The following SPTB variants were observed in gnomAD, a reference collection of about 807,000 sequenced individuals.
SPTB encodes spectrin beta chain, erythrocytic.
Under a neutral mutation model 256.2 loss-of-function variants are expected in SPTB, and 45 were observed. The observed-to-expected ratio is 0.18, with a 90% confidence interval of 0.14 to 0.23. The LOEUF is 0.23. Ranked by LOEUF, SPTB falls within the 10% of genes least tolerant of loss-of-function variation. The probability of loss-of-function intolerance (pLI) is 1.00; values close to 1 mark genes in which losing one functional copy is unlikely to be tolerated. For missense variants in SPTB, 2,715 were observed against 3,040.4 expected, an observed-to-expected ratio of 0.89 and a Z score of 2.52; for synonymous variants, 1,231 against 1,243.1, an observed-to-expected ratio of 0.99 and a Z score of 0.21.
intron 2 of SPTB, among the ~76,000 whole-genome samples, chr14:64,817,624 C>T (rs2083215621): frequency 6.6e-6 from 1 of 152,232 alleles, no homozygotes; most frequent in Non-Finnish European, 1.5e-5. Flanking sequence ...TGAGGCCCTG[C>T]TCCCTGAGAA....
intron 30 of SPTB, 111 bp downstream of exon 30, chr14:64,767,552 A>G: frequency 1.4e-6 from 2 of 1,476,376 alleles, no homozygotes; most frequent in East Asian, 2.3e-5. Flanking sequence ...CTGCTGGCCA[A>G]GCCTGTCACA....
chr14:64,820,784 C>T (rs1364578545), intron 2 of SPTB, among the ~76,000 whole-genome samples: 3 of 152,148 alleles, frequency 2.0e-5, no homozygotes, highest in Non-Finnish European at 2.9e-5. Flanking sequence ...AATTCTCGTG[C>T]CTCAGCTTCT....
chr14:64,821,039 C>T (rs2083277352), intron 2 of SPTB, among the ~76,000 whole-genome samples: 1 of 152,146 alleles, frequency 6.6e-6, no homozygotes, highest in Admixed American at 6.5e-5. Context: ...GACGTGGTGA[C>T]AACACACACA....
rs1220660057 is a variant in SPTB, at chr14:64,790,585, T to C, written c.2804+1134A>G. Among the ~76,000 whole-genome samples the C allele has an allele frequency of 1.3e-5, 2 of 152,222 alleles. No homozygotes were observed. The highest frequency in any genetic ancestry group is 4.8e-5 in the African/African-American group (2 of 41,470). Reference sequence around the variant, plus strand: ...TCCCATTCTAGTGGCTCTAAAGAATTCTGGTCATCGCTGCCTCCCCTTAGC... The same window carrying C: ...TCCCATTCTAGTGGCTCTAAAGAATCCTGGTCATCGCTGCCTCCCCTTAGC... On this transcript the variant is annotated intron_variant, in intron 15 of 35. Transcript: ENST00000644917. The surrounding 1 kb of genome is among the most constrained non-coding windows in gnomAD (Gnocchi z 4.8).
intron 27 of SPTB, 24 bp from the exon 28 acceptor site, chr14:64,769,752 A>C (rs1320125271): frequency 6.2e-7 from 1 of 1,613,992 alleles, no homozygotes; most frequent in Non-Finnish European, 8.5e-7. Context: ...GGACAAGGGA[A>C]GAAGGGAACT....
At position 64,796,532 on chromosome 14, in the gene SPTB, T is replaced by C; in HGVS notation, c.1341+25A>G. 1 of 1,614,080 alleles carries C rather than the reference T, an allele frequency of 6.2e-7. No homozygotes were observed. Among genetic ancestry groups the C allele is most frequent in the Non-Finnish European group, 8.5e-7 (1 of 1,180,020 alleles). ...GCTCTGAAGAATGTCCCCTCTCCTGTCACCCAAAGCATGTCCCTCATTACC... is the reference window on the plus strand; with the variant it reads ...GCTCTGAAGAATGTCCCCTCTCCTGCCACCCAAAGCATGTCCCTCATTACC... On this transcript the variant is annotated intron_variant, in intron 11 of 35. Coordinates refer to ENST00000644917, the MANE Select transcript of SPTB (RefSeq NM_001355436.2). This position sits in a 1 kb window ranked among gnomAD's most constrained non-coding sequence, Gnocchi z 4.1.
intron 33 of SPTB, among the ~76,000 whole-genome samples, chr14:64,751,771 A>T (rs1412351644): frequency 6.6e-6 from 1 of 152,002 alleles, no homozygotes; most frequent in Non-Finnish European, 1.5e-5. Flanking sequence ...AACTTTTTAA[A>T]GGAACAAATT....
At chr14:64,831,819 T>C (rs367919752) in intron 1 of SPTB, among the ~76,000 whole-genome samples, 5 of 152,286 alleles carry the variant, frequency 3.3e-5, no homozygotes, top group African/African-American at 9.6e-5. Flanking sequence ...TGGAGGATCA[T>C]AGAAACAGTG....
intron 6 of SPTB, 107 bp from the exon 7 acceptor site, chr14:64,801,507 C>G: frequency 1.1e-6 from 1 of 911,726 alleles, no homozygotes; most frequent in South Asian, 1.4e-5. Flanking sequence ...GGTGGTCAGG[C>G]AGGAGGAGTG....
At chr14:64,838,484 A>G (rs1340522861) in intron 1 of SPTB, among the ~76,000 whole-genome samples, 1 of 152,226 alleles carries the variant, frequency 6.6e-6, no homozygotes. Context: ...AATGTTTGCA[A>G]AACATGTATC....
At chr14:64,840,663 A>T (rs2139750724) in intron 1 of SPTB, among the ~76,000 whole-genome samples, 1 of 152,320 alleles carries the variant, frequency 6.6e-6, no homozygotes, top group East Asian at 1.9e-4. Flanking sequence ...CACCTGGCTG[A>T]GCTGTGACCC....
At chr14:64,798,790 T>G (rs942593879) in intron 9 of SPTB, among the ~76,000 whole-genome samples, 1 of 152,228 alleles carries the variant, frequency 6.6e-6, no homozygotes, top group South Asian at 2.1e-4. Context: ...AGACTCAGCA[T>G]TTCACCTTTC....
chr14:64,838,817 C>G (rs1267164666), intron 1 of SPTB, among the ~76,000 whole-genome samples: 1 of 152,002 alleles, frequency 6.6e-6, no homozygotes, highest in African/African-American at 2.4e-5. Context: ...GAAATGAAAA[C>G]ATGTTCACAT....
chr14:64,872,394 C>T, intron 1 of SPTB, among the ~76,000 whole-genome samples: 1 of 152,224 alleles, frequency 6.6e-6, no homozygotes, highest in East Asian at 1.9e-4. Context: ...CTTGCCTCCA[C>T]TCTTGTGCCC....
intron 2 of SPTB, among the ~76,000 whole-genome samples, chr14:64,822,158 C>G (rs989035356): frequency 2.0e-5 from 3 of 151,026 alleles, no homozygotes; most frequent in African/African-American, 7.3e-5. Context: ...CATACACACA[C>G]AACCCCATGT....
intron 19 of SPTB, 39 bp downstream of exon 19, chr14:64,784,208 G>T: frequency 1.2e-6 from 2 of 1,613,394 alleles, no homozygotes; most frequent in South Asian, 2.2e-5. Context: ...AAGCCTATCT[G>T]AGCAGAGCAC....
Position 64,771,001 on chromosome 14 carries a change from C to G in SPTB, c.5682G>C (p.Gly1894=), listed in dbSNP as rs201979579. ...AWQALLDACA[G]RRTQLVDTAD... ...CCGTGTCCACTAGCTGGGTCCGGCG[C>G]CCGGCACAGGCATCGAGCAGCGCCT... The change falls in exon 27 of 36, where the codon GGG becomes GGC. Residue 1894 remains glycine (G), a synonymous_variant. Coordinates refer to ENST00000644917, the MANE Select transcript of SPTB (RefSeq NM_001355436.2). 2.5e-6 allele frequency: 4 copies of G among 1,614,156 alleles called. No homozygotes were observed. The highest frequency in any genetic ancestry group is 1.1e-5 in the South Asian group (1 of 91,088).
chr14:64,799,947 C>A lies in SPTB; in HGVS notation c.877-13G>T, dbSNP rs772792351. ...CATGGTCAATAACCTAAGGAATCAT[C>A]TTCTTACTTATTCTCATCAGAAGGG... On this transcript the variant is annotated splice_polypyrimidine_tract_variant and intron_variant, in intron 8 of 35. Transcript: ENST00000644917. 23 of 1,613,848 alleles carry A rather than the reference C, an allele frequency of 1.4e-5. No homozygotes were observed. The highest frequency in any genetic ancestry group is 1.9e-5 in the Non-Finnish European group (23 of 1,179,984).
intron 32 of SPTB, chr14:64,757,414 G>C (rs921798306): frequency 6.6e-6 from 1 of 152,262 alleles, no homozygotes; most frequent in African/African-American, 2.4e-5. Context: ...TTCCTTGGCA[G>C]GGACATTCAG....
Sources: gnomAD v4.1 joint callset for allele counts (sites outside exome capture counted in the v4.1 genomes callset) on GRCh38, gnomAD v4.1.1 for gene constraint, Gnocchi (gnomAD v3.1) non-coding constraint, MANE v1.5 for transcripts, NCBI Gene and HGNC (gene_info 2026-07-23, HGNC 2026-07-21) for gene names.